Variants in RBFOX1 observed in about 807,000 individuals in gnomAD.
RBFOX1 encodes the protein RNA binding protein fox-1 homolog 1.
A neutral mutation model predicts 57.7 loss-of-function variants in RBFOX1; 8 were observed. The observed-to-expected ratio is 0.14, with a 90% CI of 0.08 to 0.25. The LOEUF (loss-of-function observed/expected upper bound fraction) is 0.25. RBFOX1 is among the 10% of genes least tolerant of loss of function. The pLI is 1.00. For missense variants in RBFOX1, 611 were observed against 548.5 expected, an observed-to-expected ratio of 1.11 and a Z score of -1.14; for synonymous variants, 326 against 222.4, an observed-to-expected ratio of 1.47 and a Z score of -4.15.
chr16:6,768,083 A>G (rs536848085), intron 3 of RBFOX1, among the ~76,000 whole-genome samples: 1 of 151,654 alleles, frequency 6.6e-6, no homozygotes, highest in African/African-American at 2.4e-5. Context: ...ATTTAGCTGG[A>G]AATATGAATC....
At chr16:6,848,173 TCA>T (rs1411792565) in intron 3 of RBFOX1, among the ~76,000 whole-genome samples, 4 of 151,850 alleles carry the variant, frequency 2.6e-5, no homozygotes, top group African/African-American at 7.3e-5. Flanking sequence ...AGGAGGCTGA[TCA>T]CAGCCTCCTT....
intron 10 of RBFOX1, among the ~76,000 whole-genome samples, chr16:7,626,100 G>A (rs541337169): frequency 2.6e-5 from 4 of 152,246 alleles, no homozygotes; most frequent in Non-Finnish European, 2.9e-5. Context: ...GTTACCTAGA[G>A]CAAGGAAAAG....
chr16:5,777,051 C>G (rs74952730), intron 3 of RBFOX1, among the ~76,000 whole-genome samples: 5,444 of 152,306 alleles, frequency 0.036, 308 homozygotes, highest in African/African-American at 0.12. Flanking sequence ...GCTGGCTGCT[C>G]TAATGCCCTG....
chr16:6,669,186 G>A (rs754838433), intron 3 of RBFOX1, among the ~76,000 whole-genome samples: 1 of 152,274 alleles, frequency 6.6e-6, no homozygotes, highest in Non-Finnish European at 1.5e-5. Flanking sequence ...TCAGCAAGTA[G>A]GTTGCTGGAA....
At chr16:5,402,368 A>G (rs1481047007) in intron 1 of RBFOX1, among the ~76,000 whole-genome samples, 1 of 152,198 alleles carries the variant, frequency 6.6e-6, no homozygotes, top group East Asian at 1.9e-4. Flanking sequence ...CACATAGGCC[A>G]GCCTTGTGGA....
intron 2 of RBFOX1, among the ~76,000 whole-genome samples, chr16:5,489,193 G>C (rs185571230): frequency 6.6e-6 from 1 of 152,358 alleles, no homozygotes; most frequent in Admixed American, 6.5e-5. Flanking sequence ...CCTAGGCGCA[G>C]TTGGCTTTTT....
At chr16:5,752,056 A>G (rs1597102746) in intron 3 of RBFOX1, among the ~76,000 whole-genome samples, 1 of 152,222 alleles carries the variant, frequency 6.6e-6, no homozygotes, top group Admixed American at 6.5e-5. Flanking sequence ...GATAGAGAAA[A>G]TGTATGCATA....
At chr16:7,522,873 G>A (rs376284971) in intron 5 of RBFOX1, among the ~76,000 whole-genome samples, 1 of 152,268 alleles carries the variant, frequency 6.6e-6, no homozygotes. Flanking sequence ...TATATTTAAA[G>A]TATACACTTT....
chr16:7,601,251 G>C (rs2095005709), intron 9 of RBFOX1, among the ~76,000 whole-genome samples: 1 of 152,136 alleles, frequency 6.6e-6, no homozygotes, highest in South Asian at 2.1e-4. Context: ...CTCTCCATGT[G>C]CCAGCTCTCT....
chr16:6,532,054 C>G (rs1016603317), intron 2 of RBFOX1, among the ~76,000 whole-genome samples: 1 of 152,260 alleles, frequency 6.6e-6, no homozygotes, highest in South Asian at 2.1e-4. Context: ...CTAAGTCTTC[C>G]GTCCATGTAT....
chr16:5,956,658 TTATA>T (rs1217474515), intron 4 of RBFOX1, among the ~76,000 whole-genome samples: 1 of 102,022 alleles, frequency 9.8e-6, no homozygotes, highest in Non-Finnish European at 2.0e-5. Context: ...ATATATATAT[TTATA>T]TATATATATA....
intron 10 of RBFOX1, among the ~76,000 whole-genome samples, chr16:7,622,069 C>G (rs987553209): frequency 2.6e-5 from 4 of 151,930 alleles, no homozygotes; most frequent in African/African-American, 9.7e-5. Context: ...ACAGACCATA[C>G]AAAAATAGGT....
chr16:6,644,518 C>T (rs1386120004), intron 2 of RBFOX1, among the ~76,000 whole-genome samples: 2 of 152,212 alleles, frequency 1.3e-5, no homozygotes, highest in African/African-American at 2.4e-5. Flanking sequence ...TCTCCTCACA[C>T]TCCTGAGAGG....
chr16:7,064,683 A>T (rs975169773), intron 4 of RBFOX1, among the ~76,000 whole-genome samples: 8 of 152,176 alleles, frequency 5.3e-5, no homozygotes, highest in Admixed American at 2.6e-4. Flanking sequence ...GTACTTTGTT[A>T]CGGTAGCCCT....
chr16:6,305,881 C>A (rs1379076773), intron 1 of RBFOX1, among the ~76,000 whole-genome samples: 1 of 151,938 alleles, frequency 6.6e-6, no homozygotes, highest in Non-Finnish European at 1.5e-5. Flanking sequence ...CATGGTCTGT[C>A]CTCTAACTGA....
intron 3 of RBFOX1, among the ~76,000 whole-genome samples, chr16:6,911,392 G>A (rs531166141): frequency 6.6e-6 from 1 of 152,260 alleles, no homozygotes; most frequent in South Asian, 2.1e-4. Flanking sequence ...GCTGGGAGGA[G>A]GAATCTGTTC....
chr16:5,676,897 A>T (rs1295280061), intron 3 of RBFOX1, among the ~76,000 whole-genome samples: 1 of 152,222 alleles, frequency 6.6e-6, no homozygotes, highest in Admixed American at 6.5e-5. Flanking sequence ...GCCTGGGCAC[A>T]TAGTACTATT....
At position 7,551,075 on chromosome 16, in the gene RBFOX1, C is replaced by G. The variant is rs150206375; in HGVS notation, c.271-28702C>G. Among the ~76,000 whole-genome samples, 141 of 96,078 alleles carry G rather than the reference C, an allele frequency of 1.5e-3. 1 individual carries two copies. Among genetic ancestry groups the G allele is most frequent in the African/African-American group, 4.9e-3 (120 of 24,274 alleles). The allele number at this position is 96,078 out of a possible 152,430, so 63.0% of individuals were successfully genotyped here. On this transcript the variant is annotated intron_variant, in intron 5 of 15. Transcript: ENST00000550418. Reference sequence around the variant, plus strand: ...TGCCATCACACTCCAGCCTGGGCAACAAGAGCGAGACTCAAAAAAAAAAAA... The same window carrying G: ...TGCCATCACACTCCAGCCTGGGCAAGAAGAGCGAGACTCAAAAAAAAAAAA...
chr16:7,366,726 A>G (rs1306872209), intron 4 of RBFOX1, among the ~76,000 whole-genome samples: 1 of 152,218 alleles, frequency 6.6e-6, no homozygotes, highest in African/African-American at 2.4e-5. Context: ...CAGAGACCCA[A>G]TTATGGCAGC....
Sources: gnomAD v4.1 joint callset for allele counts (sites outside exome capture counted in the v4.1 genomes callset) on GRCh38, gnomAD v4.1.1 for gene constraint, MANE v1.5 for transcripts, NCBI Gene and HGNC (gene_info 2026-07-23, HGNC 2026-07-21) for gene names.